The following LHFPL6 variants were observed in gnomAD, a reference collection of about 807,000 sequenced individuals.
LHFPL6 encodes LHFPL tetraspan subfamily member 6, also known as LHFPL tetraspan subfamily member 6 protein.
Under a neutral mutation model 20.6 loss-of-function variants are expected in LHFPL6, and 9 were observed. That is an observed-to-expected ratio of 0.44 (90% confidence interval 0.26 to 0.76). LHFPL6 has a LOEUF of 0.76. LHFPL6 is among the 30% of genes least tolerant of loss of function. The pLI is 0.20. For missense variants in LHFPL6, 218 were observed against 253.5 expected, an observed-to-expected ratio of 0.86 and a Z score of 0.95; for synonymous variants, 105 against 98.7, an observed-to-expected ratio of 1.06 and a Z score of -0.38.
In LHFPL6 at chr13:39,428,889, A is replaced by T. The variant is rs192329888; in HGVS notation, c.386-50363T>A. Among the ~76,000 whole-genome samples, 1,106 of 152,282 alleles carry T rather than the reference A, an allele frequency of 7.3e-3. 18 individuals carry two copies. Among genetic ancestry groups the T allele is most frequent in the African/African-American group, 0.025 (1,059 of 41,572 alleles). Reference sequence around the variant, plus strand: ...TCTCTTTATTTTCATTCCATTCAAAATACTTTCTAATTTCCCTTTTGACTT... The same window carrying T: ...TCTCTTTATTTTCATTCCATTCAAATTACTTTCTAATTTCCCTTTTGACTT... On this transcript the variant is annotated intron_variant, in intron 2 of 3. Transcript: ENST00000379589.
At chr13:39,427,648 A>C (rs1040614692) in intron 2 of LHFPL6, among the ~76,000 whole-genome samples, 2 of 152,196 alleles carry the variant, frequency 1.3e-5, no homozygotes, top group African/African-American at 4.8e-5. Flanking sequence ...ATATGTAAAA[A>C]AATTTTTTTA....
rs576071656 is a variant in LHFPL6, at chr13:39,438,872, A to G, written c.386-60346T>C. On this transcript the variant is annotated intron_variant, in intron 2 of 3. Coordinates refer to ENST00000379589, the MANE Select transcript of LHFPL6 (RefSeq NM_005780.3). Reference sequence around the variant, plus strand: ...CTAGATTTCAGAGGATGTACAGAAAAGCCTAAATGTTCAGGTAGAAGCCTG... The same window carrying G: ...CTAGATTTCAGAGGATGTACAGAAAGGCCTAAATGTTCAGGTAGAAGCCTG... Among the ~76,000 whole-genome samples the G allele has an allele frequency of 5.9e-5, 9 of 152,324 alleles. No individual in the cohort carries two copies. In the East Asian group the frequency reaches 1.7e-3, roughly 29 times the overall value.
chr13:39,421,515 T>C (rs925174743), intron 2 of LHFPL6, among the ~76,000 whole-genome samples: 4 of 152,220 alleles, frequency 2.6e-5, no homozygotes, highest in African/African-American at 9.7e-5. Context: ...GATGACAGTC[T>C]ACTGTTCCAC....
intron 2 of LHFPL6, among the ~76,000 whole-genome samples, chr13:39,534,749 G>A (rs1017120762): frequency 1.3e-5 from 2 of 152,112 alleles, no homozygotes; most frequent in African/African-American, 2.4e-5. Flanking sequence ...ACCCTTTTAT[G>A]CCTTTATAAT....
intron 2 of LHFPL6, among the ~76,000 whole-genome samples, chr13:39,394,645 A>G (rs1870798453): frequency 6.6e-6 from 1 of 152,180 alleles, no homozygotes; most frequent in South Asian, 2.1e-4. Context: ...TTCTCATATA[A>G]AAATGCTTTC....
At chr13:39,356,903 C>G (rs1369604346) in intron 3 of LHFPL6, among the ~76,000 whole-genome samples, 2 of 152,216 alleles carry the variant, frequency 1.3e-5, no homozygotes. Flanking sequence ...GGCATGGTGG[C>G]TTGCACCAGT....
At chr13:39,518,890 G>A (rs1927204) in intron 2 of LHFPL6, among the ~76,000 whole-genome samples, 152,146 of 152,362 alleles carry the variant, frequency 1, 75,966 homozygotes, top group Middle Eastern at 1. Context: ...GGAACACGTC[G>A]AAGTGAGAAT....
chr13:39,434,293 T>C (rs1417285229), intron 2 of LHFPL6, among the ~76,000 whole-genome samples: 2 of 152,220 alleles, frequency 1.3e-5, no homozygotes, highest in Non-Finnish European at 2.9e-5. Context: ...ATTGACATTT[T>C]ACAGAAGAAG....
At chr13:39,479,034 T>TATAGATAGATAG (rs34879497) in intron 2 of LHFPL6, among the ~76,000 whole-genome samples, 1,717 of 144,032 alleles carry the variant, frequency 0.012, 29 homozygotes, top group Non-Finnish European at 0.012. Flanking sequence ...GGGAGATAGA[T>TATAGATAGATAG]ATAGATAGAT....
At chr13:39,521,516 T>C (rs1387499795) in intron 2 of LHFPL6, among the ~76,000 whole-genome samples, 3 of 152,220 alleles carry the variant, frequency 2.0e-5, no homozygotes, top group African/African-American at 7.2e-5. Context: ...CAGGTTTATA[T>C]TGATTGGTCA....
chr13:39,405,355 C>T (rs1319026609), intron 2 of LHFPL6, among the ~76,000 whole-genome samples: 3 of 152,194 alleles, frequency 2.0e-5, no homozygotes, highest in South Asian at 2.1e-4. Flanking sequence ...CAGATTCACT[C>T]ATAAAATGTG....
At chr13:39,363,015 AGTG>A (rs747253708) in intron 3 of LHFPL6, among the ~76,000 whole-genome samples, 7 of 152,224 alleles carry the variant, frequency 4.6e-5, no homozygotes, top group Non-Finnish European at 1.0e-4. Context: ...GGCAAGGTAA[AGTG>A]GTTATATATT....
At chr13:39,483,510 C>T in intron 2 of LHFPL6, among the ~76,000 whole-genome samples, 1 of 141,430 alleles carries the variant, frequency 7.1e-6, no homozygotes, top group East Asian at 2.2e-4. Context: ...TTTTACAAAA[C>T]CATTTCCTGC....
intron 3 of LHFPL6, among the ~76,000 whole-genome samples, chr13:39,351,556 C>T (rs1183383853): frequency 6.6e-6 from 1 of 152,162 alleles, no homozygotes. Context: ...TTTTACCTTA[C>T]CCCTTCAATT....
chr13:39,365,217 T>C (rs1869980833), intron 3 of LHFPL6, among the ~76,000 whole-genome samples: 1 of 152,184 alleles, frequency 6.6e-6, no homozygotes, highest in African/African-American at 2.4e-5. Flanking sequence ...GAACTATGGC[T>C]GCAGCCATTT....
chr13:39,379,822 T>C (rs1260372236), intron 2 of LHFPL6, among the ~76,000 whole-genome samples: 1 of 152,220 alleles, frequency 6.6e-6, no homozygotes, highest in Non-Finnish European at 1.5e-5. Context: ...AGTCTGCCCC[T>C]TGGTTGACAT....
intron 2 of LHFPL6, among the ~76,000 whole-genome samples, chr13:39,537,340 G>A (rs1870652662): frequency 6.6e-6 from 1 of 152,070 alleles, no homozygotes; most frequent in Admixed American, 6.5e-5. Context: ...GGAAATAATA[G>A]GTATAAAGCA....
At chr13:39,511,653 G>A (rs1454880591) in intron 2 of LHFPL6, among the ~76,000 whole-genome samples, 1 of 152,084 alleles carries the variant, frequency 6.6e-6, no homozygotes, top group African/African-American at 2.4e-5. Context: ...TTTCCTTTAT[G>A]AAAAATGAAT....
chr13:39,361,709 C>T (rs921941802), intron 3 of LHFPL6, among the ~76,000 whole-genome samples: 7 of 152,204 alleles, frequency 4.6e-5, no homozygotes, highest in Non-Finnish European at 8.8e-5. Context: ...ACAAACAATA[C>T]CCAGCACAAG....
Sources: gnomAD v4.1 joint callset for allele counts (sites outside exome capture counted in the v4.1 genomes callset) on GRCh38, gnomAD v4.1.1 for gene constraint, MANE v1.5 for transcripts, NCBI Gene and HGNC (gene_info 2026-07-23, HGNC 2026-07-21) for gene names.